LRP1B: variants seen among roughly 807,000 people sequenced by gnomAD.
LRP1B encodes LDL receptor related protein 1B, also known as low-density lipoprotein receptor-related protein 1B.
LRP1B carries 217 observed loss-of-function variants against 556.6 expected under a neutral mutation model. That is an observed-to-expected ratio of 0.39 (90% CI 0.35 to 0.44). The LOEUF (loss-of-function observed/expected upper bound fraction) is 0.44, where lower values mean the gene tolerates loss of function less well. LRP1B is among the 20% of genes least tolerant of loss of function. The pLI, the probability that LRP1B is intolerant of heterozygous loss-of-function variation, is 1.00. For missense variants in LRP1B, 5,053 were observed against 5,620.8 expected (o/e 0.90, Z 3.23); for synonymous variants, 2,047 against 1,865.8 (o/e 1.10, Z -2.50).
At chr2:142,092,166 C>G (rs1010015139) in intron 1 of LRP1B, among the ~76,000 whole-genome samples, 2 of 152,148 alleles carry the variant, frequency 1.3e-5, no homozygotes, top group Non-Finnish European at 1.5e-5. Flanking sequence ...TTGCTTATGG[C>G]ATGGTGAATA....
intron 16 of LRP1B, 52 bp from the exon 17 acceptor site, chr2:140,989,709 G>T (rs1191636282): frequency 1.3e-6 from 2 of 1,568,676 alleles, no homozygotes; most frequent in South Asian, 1.1e-5. Context: ...ATAAAGTTGT[G>T]AATATTTTGA....
chr2:140,246,547 G>A (rs1681173251), intron 87 of LRP1B, among the ~76,000 whole-genome samples: 1 of 148,490 alleles, frequency 6.7e-6, no homozygotes, highest in Non-Finnish European at 1.5e-5. Flanking sequence ...TTGCAAAAAT[G>A]TTGATCTATA....
At chr2:140,682,675 C>CGTGCGTGTGT (rs1685900571) in intron 41 of LRP1B, among the ~76,000 whole-genome samples, 1 of 149,434 alleles carries the variant, frequency 6.7e-6, no homozygotes, top group Non-Finnish European at 1.5e-5. Context: ...GAGAGTATTG[C>CGTGCGTGTGT]GTGTGTGTGT....
chr2:140,909,991 A>G (rs1013890709), intron 21 of LRP1B, among the ~76,000 whole-genome samples: 2 of 151,306 alleles, frequency 1.3e-5, no homozygotes, highest in African/African-American at 4.8e-5. Flanking sequence ...AGTACAGATA[A>G]TAATTTTCTC....
chr2:140,456,235 T>G (rs2105321266), intron 62 of LRP1B, among the ~76,000 whole-genome samples: 1 of 152,310 alleles, frequency 6.6e-6, no homozygotes, highest in South Asian at 2.1e-4. Flanking sequence ...AATAATTTTT[T>G]CTTTTCTTTC....
intron 1 of LRP1B, among the ~76,000 whole-genome samples, chr2:142,091,817 C>T (rs561502726): frequency 1.3e-4 from 20 of 152,276 alleles, no homozygotes; most frequent in Admixed American, 7.9e-4. Context: ...CTTGCAGCTA[C>T]GGATGAGCAT....
chr2:141,015,521 G>T (rs1697876509), intron 13 of LRP1B, among the ~76,000 whole-genome samples, 175 bp downstream of exon 13: 1 of 151,966 alleles, frequency 6.6e-6, no homozygotes, highest in Non-Finnish European at 1.5e-5. Context: ...GTCTCCCAGA[G>T]GCAAGTGCCA....
At chr2:140,929,959 CCTT>C (rs1695002085) in intron 20 of LRP1B, among the ~76,000 whole-genome samples, 1 of 152,090 alleles carries the variant, frequency 6.6e-6, no homozygotes. Flanking sequence ...TATCTCTTGA[CCTT>C]CTCGCCAAAT....
chr2:140,393,982 G>A (rs1434665112), intron 66 of LRP1B, among the ~76,000 whole-genome samples: 1 of 152,018 alleles, frequency 6.6e-6, no homozygotes, highest in Non-Finnish European at 1.5e-5. Flanking sequence ...TACATTATAA[G>A]GAAACAAATA....
chr2:141,015,787 A>C lies in LRP1B; in HGVS notation c.2099T>G (p.Leu700Ter). The change falls in exon 13 of 91, where the codon TTA becomes TGA. Residue 700 changes from leucine to a stop codon, truncating the protein, a stop_gained. Coordinates refer to ENST00000389484, the MANE Select transcript of LRP1B (RefSeq NM_018557.3). LOFTEE classifies it high-confidence loss of function. ...TGTGTTGGTGTGAAAGTCCAGAGTTAAACCGTTTGGCCACAGCATCTTTGA... is the reference window on the plus strand; with the variant it reads ...TGTGTTGGTGTGAAAGTCCAGAGTTCAACCGTTTGGCCACAGCATCTTTGA... ...VTSKMLWPNG[L>*]TLDFHTNTLY... 6.2e-7 allele frequency: 1 copy of C among 1,613,524 alleles called. No individual in the cohort carries two copies. The highest frequency in any genetic ancestry group is 8.5e-7 in the Non-Finnish European group (1 of 1,179,718).
chr2:141,048,867 T>C, intron 11 of LRP1B, 119 bp downstream of exon 11: 1 of 758,868 alleles, frequency 1.3e-6, no homozygotes, highest in Non-Finnish European at 2.3e-6. Flanking sequence ...AAAAAATATT[T>C]TTGAACCAAC....
chr2:140,930,154 C>T (rs954748403), intron 20 of LRP1B, among the ~76,000 whole-genome samples: 3 of 152,040 alleles, frequency 2.0e-5, no homozygotes, highest in Non-Finnish European at 4.4e-5. Context: ...AGCCGTTGGA[C>T]TTGTCCCAAC....
At chr2:140,839,955 A>G (rs138943863) in intron 31 of LRP1B, 36 bp downstream of exon 31, 125 of 1,287,790 alleles carry the variant, frequency 9.7e-5, no homozygotes, top group Non-Finnish European at 1.4e-4. Flanking sequence ...GGTTTGTCAC[A>G]TTGAAAACTT....
chr2:141,377,281 A>T (rs1269290759), intron 3 of LRP1B, among the ~76,000 whole-genome samples: 1 of 152,194 alleles, frequency 6.6e-6, no homozygotes, highest in Non-Finnish European at 1.5e-5. Flanking sequence ...GAATGTGTGT[A>T]TATTTTACAA....
chr2:140,957,577 A>G (rs1285182498), intron 18 of LRP1B, among the ~76,000 whole-genome samples: 1 of 151,710 alleles, frequency 6.6e-6, no homozygotes, highest in Admixed American at 6.6e-5. Flanking sequence ...ACAGCCAAAT[A>G]TTTCAATATA....
intron 41 of LRP1B, among the ~76,000 whole-genome samples, chr2:140,603,739 A>G (rs1161772434): frequency 1.3e-5 from 2 of 152,172 alleles, no homozygotes; most frequent in African/African-American, 4.8e-5. Context: ...TTTGTAATAG[A>G]TGATAAACAG....
intron 82 of LRP1B, among the ~76,000 whole-genome samples, chr2:140,320,901 AC>A (rs1421763455): frequency 5.9e-5 from 9 of 151,916 alleles, no homozygotes; most frequent in Non-Finnish European, 5.9e-5. Flanking sequence ...ACACACACAC[AC>A]AAAATTATCC....
chr2:140,869,477 T>G (rs1693057794), intron 25 of LRP1B, among the ~76,000 whole-genome samples: 1 of 152,134 alleles, frequency 6.6e-6, no homozygotes, highest in Non-Finnish European at 1.5e-5. Context: ...CAGGATATAC[T>G]GTACCAGATA....
chr2:141,151,342 T>C (rs982988851), intron 7 of LRP1B, among the ~76,000 whole-genome samples: 4 of 152,174 alleles, frequency 2.6e-5, no homozygotes, highest in South Asian at 4.1e-4. Flanking sequence ...TCATACTTCA[T>C]TGGCCAAAAA....
Sources: allele counts gnomAD v4.1 joint callset (sites outside exome capture counted in the v4.1 genomes callset), GRCh38; gene constraint gnomAD v4.1.1; transcripts MANE v1.5; gene names NCBI Gene and HGNC (gene_info 2026-07-23, HGNC 2026-07-21).